ARRDC5: variants seen among roughly 807,000 people sequenced by gnomAD.
The protein encoded by ARRDC5 is arrestin domain containing 5, also known as arrestin domain-containing protein 5.
A neutral mutation model predicts 13.3 loss-of-function variants in ARRDC5; 12 were observed. That is an observed-to-expected ratio of 0.90 (90% CI 0.58 to 1.46). The LOEUF is 1.46. Ranked by LOEUF, ARRDC5 falls within the 40% of genes most tolerant of loss-of-function variation. ARRDC5 has a pLI of 0.00. For missense variants in ARRDC5, 406 were observed against 418.7 expected, an observed-to-expected ratio of 0.97 and a Z score of 0.26; for synonymous variants, 181 against 173.4, an observed-to-expected ratio of 1.04 and a Z score of -0.34.
chr19:4,914,818 C>T, the ARRDC5 span, among the ~76,000 whole-genome samples: 2 of 152,150 alleles, frequency 1.3e-5, no homozygotes, highest in African/African-American at 4.8e-5. Context: ...AGGGCTAATA[C>T]CCACCACGCT....
chr19:4,908,668 C>T, the ARRDC5 span, among the ~76,000 whole-genome samples: 1 of 152,188 alleles, frequency 6.6e-6, no homozygotes, highest in Admixed American at 6.5e-5. Flanking sequence ...TCCTCTCTCC[C>T]CGCCTCCCAC....
At chr19:4,896,368 A>C (rs1269782529) in intron 2 of ARRDC5, among the ~76,000 whole-genome samples, 1 of 99,012 alleles carries the variant, frequency 1.0e-5, no homozygotes, top group African/African-American at 4.5e-5. Context: ...TTTTACACAC[A>C]CACACACACA....
At chr19:4,902,547 G>A (rs767591037) in intron 1 of ARRDC5, 26 bp downstream of exon 1, 7 of 1,608,452 alleles carry the variant, frequency 4.4e-6, no homozygotes, top group Non-Finnish European at 6.0e-6. Flanking sequence ...GTCATGGCTA[G>A]GGGTGGCTGT....
At chr19:4,912,993 A>G in the ARRDC5 span, among the ~76,000 whole-genome samples, 1 of 151,768 alleles carries the variant, frequency 6.6e-6, no homozygotes, top group African/African-American at 2.4e-5. Context: ...GGCTCAAGTG[A>G]CCCTCCTGCC....
At position 4,890,714 on chromosome 19, in the gene ARRDC5, C is replaced by G; in HGVS notation, c.*332G>C. The G allele has an allele frequency of 3.4e-6, 1 of 291,752 alleles. No homozygotes were observed. The highest frequency in any genetic ancestry group is 6.5e-6 in the Non-Finnish European group (1 of 153,838). 18.1% of individuals were successfully genotyped at this position (291,752 alleles called of 1,614,324 possible). ...CTGCAGTTGTGACAGCCAATACAAC[C>G]AGACATTAGCAGAGGGGAGAATTCT... On this transcript the variant is annotated 3_prime_UTR_variant, in exon 3 of 3. Transcript: ENST00000650722.
intron 1 of ARRDC5, among the ~76,000 whole-genome samples, chr19:4,901,160 T>C (rs1047558464): frequency 1.3e-5 from 2 of 149,434 alleles, no homozygotes; most frequent in Non-Finnish European, 3.0e-5. Context: ...AAACAAAAAA[T>C]AAACAAAAAT....
At chr19:4,901,601 G>A (rs192485677) in intron 1 of ARRDC5, among the ~76,000 whole-genome samples, 1 of 152,090 alleles carries the variant, frequency 6.6e-6, no homozygotes, top group Non-Finnish European at 1.5e-5. Flanking sequence ...GAAGCAGGGC[G>A]AGACTGTGTC....
At chr19:4,910,939 G>A in the ARRDC5 span, 2 of 1,613,570 alleles carry the variant, frequency 1.2e-6, no homozygotes, top group Non-Finnish European at 1.7e-6. Flanking sequence ...CGGTGGACTC[G>A]CTGTCCAGGC....
upstream of ARRDC5, among the ~76,000 whole-genome samples, chr19:4,903,839 T>C (rs1418219539): frequency 1.3e-5 from 2 of 152,126 alleles, no homozygotes; most frequent in Non-Finnish European, 2.9e-5. Flanking sequence ...GACTCTACAT[T>C]TATATTGGTC....
At chr19:4,892,164 T>C in intron 2 of ARRDC5, among the ~76,000 whole-genome samples, 1 of 151,590 alleles carries the variant, frequency 6.6e-6, no homozygotes, top group Non-Finnish European at 1.5e-5. Context: ...CTCGGCTCAG[T>C]GCAACCTCCG....
intron 1 of ARRDC5, among the ~76,000 whole-genome samples, chr19:4,897,440 C>A (rs952459177): frequency 6.6e-6 from 1 of 152,068 alleles, no homozygotes; most frequent in African/African-American, 2.4e-5. Flanking sequence ...CACCCGAAAC[C>A]ACTGAAGGGC....
chr19:4,905,743 C>G (rs554238494), upstream of ARRDC5, among the ~76,000 whole-genome samples: 4 of 152,170 alleles, frequency 2.6e-5, no homozygotes, highest in East Asian at 7.8e-4. Context: ...GTCTTGATCT[C>G]CTGACCTCAG....
upstream of ARRDC5, chr19:4,902,979 T>G: frequency 9.6e-7 from 1 of 1,038,268 alleles, no homozygotes; most frequent in African/African-American, 1.6e-5. Context: ...GAGGCAAAAC[T>G]GTTGTTTAGG....
At chr19:4,903,077 AGTGCAGGG>A (rs2031980256), upstream of ARRDC5, 4 of 456,272 alleles carry the variant, frequency 8.8e-6, no homozygotes, top group Non-Finnish European at 1.6e-5. Flanking sequence ...CCCAGGCTGG[AGTGCAGGG>A]GTGCCATCTT....
chr19:4,908,008 G>C, the ARRDC5 span, among the ~76,000 whole-genome samples: 2 of 152,128 alleles, frequency 1.3e-5, no homozygotes, highest in Admixed American at 6.6e-5. Context: ...CAACGCGCCC[G>C]GCCCTTGGCC....
chr19:4,897,055 C>G lies in ARRDC5; in HGVS notation c.254-179G>C, dbSNP rs982292376. ...CACAGCAACCTCTGCCTCCTAGGTT[C>G]AAGCGATTCTCCTGCCTCAGCCTCC... On this transcript the variant is annotated intron_variant, in intron 1 of 2. Coordinates refer to ENST00000650722, the MANE Select transcript of ARRDC5 (RefSeq NM_001080523.3). 2.6e-5 allele frequency among the ~76,000 whole-genome samples: 4 copies of G among 152,146 alleles called. No homozygotes were observed. In the South Asian group the frequency reaches 6.2e-4, roughly 24 times the overall value.
At chr19:4,901,904 T>G (rs575693673) in intron 1 of ARRDC5, among the ~76,000 whole-genome samples, 1 of 152,254 alleles carries the variant, frequency 6.6e-6, no homozygotes, top group South Asian at 2.1e-4. Flanking sequence ...TTTCTTTTTT[T>G]GAGAGGGAAT....
chr19:4,913,252 C>CTTT, the ARRDC5 span, among the ~76,000 whole-genome samples: 38,964 of 110,938 alleles, frequency 0.35, 8,370 homozygotes, highest in African/African-American at 0.48. Context: ...GTACATTGTG[C>CTTT]TTTTTTTTTT....
the ARRDC5 span, among the ~76,000 whole-genome samples, chr19:4,908,117 C>T: frequency 1.2e-4 from 18 of 152,298 alleles, no homozygotes; most frequent in South Asian, 3.7e-3. Context: ...ACATTGTGCC[C>T]ACCTGGATCA....
Sources: allele counts gnomAD v4.1 joint callset (sites outside exome capture counted in the v4.1 genomes callset), GRCh38; gene constraint gnomAD v4.1.1; transcripts MANE v1.5; gene names NCBI Gene and HGNC (gene_info 2026-07-23, HGNC 2026-07-21).